SLIT3: variants seen among roughly 807,000 people sequenced by gnomAD.
SLIT3 encodes slit guidance ligand 3.
In SLIT3, 68 loss-of-function variants were observed where a neutral mutation model predicts 184.0. The ratio of observed to expected loss-of-function variants is 0.37; its 90% CI spans 0.30 to 0.45. The LOEUF is 0.45. Ranked by LOEUF, SLIT3 falls within the 20% of genes least tolerant of loss-of-function variation. The pLI is 1.00. For synonymous variants in SLIT3, 831 were observed against 828.6 expected, an observed-to-expected ratio of 1.00 and a Z score of -0.05; for missense variants, 1,707 against 2,026.0, an observed-to-expected ratio of 0.84 and a Z score of 3.02.
intron 1 of SLIT3, among the ~76,000 whole-genome samples, chr5:169,255,491 A>C (rs942712298): frequency 6.6e-6 from 1 of 152,230 alleles, no homozygotes. Flanking sequence ...TTTATAAAAT[A>C]AGCATACAAG....
At chr5:169,194,884 C>A (rs1373032768) in intron 3 of SLIT3, among the ~76,000 whole-genome samples, 1 of 152,166 alleles carries the variant, frequency 6.6e-6, no homozygotes, top group Non-Finnish European at 1.5e-5. Context: ...TTCTTCGGAG[C>A]ACTGGGCCAA....
chr5:169,245,332 C>G (rs1765552331), intron 2 of SLIT3, among the ~76,000 whole-genome samples: 2 of 152,170 alleles, frequency 1.3e-5, no homozygotes, highest in South Asian at 4.1e-4. Context: ...CCTCCAGCCA[C>G]ACGCTTCACT....
At position 168,727,541 on chromosome 5, in the gene SLIT3, C is replaced by T. The variant is rs965115033; in HGVS notation, c.2271-3057G>A. Among the ~76,000 whole-genome samples the T allele has an allele frequency of 2.6e-5, 4 of 152,208 alleles. No individual in the cohort carries two copies. In the South Asian group the frequency reaches 8.3e-4, roughly 32 times the overall value. On this transcript the variant is annotated intron_variant, in intron 20 of 35. Transcript: ENST00000519560. Reference sequence around the variant, plus strand: ...TGGGCCTGGAGAGGACAGTGGGAGACAGGGTAGATCACGCTGAGGCCTTGG... The same window carrying T: ...TGGGCCTGGAGAGGACAGTGGGAGATAGGGTAGATCACGCTGAGGCCTTGG...
intron 1 of SLIT3, among the ~76,000 whole-genome samples, chr5:169,266,550 G>A (rs1766403262): frequency 6.6e-6 from 1 of 152,196 alleles, no homozygotes; most frequent in African/African-American, 2.4e-5. Context: ...GGGTCCCCCA[G>A]AGGAAAGCAG....
In SLIT3 at chr5:168,710,988, A is replaced by AC. The variant is rs1561887170; in HGVS notation, c.2625dup (p.Tyr876ValfsTer11). 1.3e-6 allele frequency: 2 copies of AC among 1,570,262 alleles called. No individual in the cohort carries two copies. ...CAGCGGGCGATGCCAGGCTCCTTGTACCCCGCCTTCACCCACTCCGACAGC... is the reference window on the plus strand; with the variant it reads ...CAGCGGGCGATGCCAGGCTCCTTGTACCCCCGCCTTCACCCACTCCGACAGC... On this transcript the variant is annotated frameshift_variant, in exon 25 of 36. Transcript: ENST00000519560. LOFTEE classifies it high-confidence loss of function.
chr5:169,170,289 G>C (rs1405987448), intron 4 of SLIT3, among the ~76,000 whole-genome samples: 1 of 152,144 alleles, frequency 6.6e-6, no homozygotes. Flanking sequence ...CTACTTCTCA[G>C]GGGTGAAAAG....
chr5:169,287,348 C>T (rs1012245522), intron 1 of SLIT3, among the ~76,000 whole-genome samples: 3 of 152,170 alleles, frequency 2.0e-5, no homozygotes, highest in Non-Finnish European at 4.4e-5. Flanking sequence ...CATCTGGTGC[C>T]TCTCCCCTCT....
chr5:168,934,902 G>A (rs1762102617), intron 4 of SLIT3, among the ~76,000 whole-genome samples: 1 of 151,270 alleles, frequency 6.6e-6, no homozygotes, highest in Admixed American at 6.6e-5. Context: ...GGCCGAGATG[G>A]GCGGATCACA....
intron 4 of SLIT3, among the ~76,000 whole-genome samples, chr5:169,066,197 T>A (rs550494549): frequency 6.6e-6 from 1 of 152,364 alleles, no homozygotes; most frequent in African/African-American, 2.4e-5. Context: ...ACTGCAGTGG[T>A]ACCATTGCAG....
At chr5:168,919,349 T>G (rs1055301995) in intron 4 of SLIT3, among the ~76,000 whole-genome samples, 1 of 151,992 alleles carries the variant, frequency 6.6e-6, no homozygotes, top group Non-Finnish European at 1.5e-5. Context: ...ACAATTTAAA[T>G]CTCTATCAAT....
At chr5:169,219,675 C>T (rs1764559347) in intron 3 of SLIT3, among the ~76,000 whole-genome samples, 1 of 152,248 alleles carries the variant, frequency 6.6e-6, no homozygotes, top group Non-Finnish European at 1.5e-5. Context: ...GAGGGCTTCT[C>T]ATCTTACTCA....
chr5:169,067,781 T>C (rs568119479), intron 4 of SLIT3, among the ~76,000 whole-genome samples: 4 of 152,322 alleles, frequency 2.6e-5, no homozygotes, highest in African/African-American at 7.2e-5. Context: ...TTCTGTCCCT[T>C]GTGCCTTCCT....
At chr5:169,122,829 T>A (rs1429971458) in intron 4 of SLIT3, among the ~76,000 whole-genome samples, 2 of 152,156 alleles carry the variant, frequency 1.3e-5, no homozygotes, top group Non-Finnish European at 2.9e-5. Context: ...GAAATATGGA[T>A]TTAGGCACAT....
chr5:169,099,886 G>A (rs1759941026), intron 4 of SLIT3, among the ~76,000 whole-genome samples: 1 of 152,212 alleles, frequency 6.6e-6, no homozygotes, highest in African/African-American at 2.4e-5. Flanking sequence ...GGCAAGGAGG[G>A]CATCTGCCAG....
At chr5:168,821,393 A>G (rs535637578) in intron 7 of SLIT3, among the ~76,000 whole-genome samples, 1 of 152,324 alleles carries the variant, frequency 6.6e-6, no homozygotes, top group South Asian at 2.1e-4. Flanking sequence ...CTTCGATGCA[A>G]CCCACATGTC....
At chr5:169,230,011 T>C (rs1764944892) in intron 3 of SLIT3, among the ~76,000 whole-genome samples, 6 of 152,200 alleles carry the variant, frequency 3.9e-5, no homozygotes, top group Admixed American at 3.9e-4. Context: ...ACAGTCCTCA[T>C]CTGCTGCTCA....
intron 6 of SLIT3, among the ~76,000 whole-genome samples, chr5:168,840,772 G>A (rs112282533): frequency 4.2e-4 from 64 of 152,204 alleles, no homozygotes; most frequent in African/African-American, 1.5e-3. Flanking sequence ...AACCTTAAAT[G>A]CCACAAAGTT....
chr5:169,280,405 C>T (rs1766958846), intron 1 of SLIT3, among the ~76,000 whole-genome samples: 2 of 152,228 alleles, frequency 1.3e-5, no homozygotes, highest in Admixed American at 6.5e-5. Flanking sequence ...TAATCACTCC[C>T]ACTTAATTTC....
Position 169,210,966 on chromosome 5 carries a change from A to G in SLIT3, c.342-17416T>C, listed in dbSNP as rs531085985. On this transcript the variant is annotated intron_variant, in intron 3 of 35. Coordinates refer to ENST00000519560, the MANE Select transcript of SLIT3 (RefSeq NM_003062.4). ...TTAACAGAAGGTTGGTGTGAGTGTG[A>G]TGTGAGCAGAGATTTTAAATGTGCT... Among the ~76,000 whole-genome samples the G allele has an allele frequency of 3.3e-5, 5 of 152,294 alleles. No homozygotes were observed. The South Asian group carries it at 8.3e-4, about 25-fold the overall frequency.
Sources: allele counts gnomAD v4.1 joint callset (sites outside exome capture counted in the v4.1 genomes callset), GRCh38; gene constraint gnomAD v4.1.1; transcripts MANE v1.5; gene names NCBI Gene and HGNC (gene_info 2026-07-23, HGNC 2026-07-21).